The following MRPL30 variants were observed in gnomAD, a reference collection of about 807,000 sequenced individuals.
MRPL30 encodes large ribosomal subunit protein uL30m.
Under a neutral mutation model 17.2 loss-of-function variants are expected in MRPL30, and 10 were observed. That is an observed-to-expected ratio of 0.58 (90% CI 0.36 to 0.99). The LOEUF (loss-of-function observed/expected upper bound fraction) is 0.99, where lower values mean the gene tolerates loss of function less well. Among genes scored for constraint, MRPL30 ranks in the 50% least tolerant of loss-of-function variants. The pLI is 0.01. For synonymous variants in MRPL30, 61 were observed against 62.1 expected, an observed-to-expected ratio of 0.98 and a Z score of 0.08; for missense variants, 170 against 189.8, an observed-to-expected ratio of 0.90 and a Z score of 0.61.
chr2:99,183,942 C>T (rs921953606), intron 1 of MRPL30, among the ~76,000 whole-genome samples: 12 of 152,144 alleles, frequency 7.9e-5, no homozygotes, highest in Non-Finnish European at 1.5e-5. Context: ...TTTTTGATAT[C>T]ATTGACAGTT....
At chr2:99,193,642 G>C (rs1369424217) in intron 3 of MRPL30, among the ~76,000 whole-genome samples, 1 of 151,972 alleles carries the variant, frequency 6.6e-6, no homozygotes, top group Non-Finnish European at 1.5e-5. Context: ...TTGGTTTTTG[G>C]CTCAAGAATA....
chr2:99,182,868 C>G (rs1439601809), intron 1 of MRPL30, among the ~76,000 whole-genome samples: 4 of 152,188 alleles, frequency 2.6e-5, no homozygotes, highest in Non-Finnish European at 4.4e-5. Flanking sequence ...AACCCTTTTC[C>G]TATGGAATTA....
intron 3 of MRPL30, among the ~76,000 whole-genome samples, chr2:99,193,122 T>C (rs554512647): frequency 1.3e-5 from 2 of 152,032 alleles, no homozygotes; most frequent in South Asian, 4.2e-4. Flanking sequence ...AACTTAAATT[T>C]ACAAGAAAAA....
Position 99,199,388 on chromosome 2 carries a change from C to A in MRPL30, c.*3683C>A, listed in dbSNP as rs1240939732. On this transcript the variant is annotated 3_prime_UTR_variant, in exon 6 of 6. Coordinates refer to ENST00000338148, the MANE Select transcript of MRPL30 (RefSeq NM_145212.4). ...ACACTGGAAATTCTAAAATAAGAGTCAGATACAAAACACTGGTCACTAAAA... is the reference window on the plus strand; with the variant it reads ...ACACTGGAAATTCTAAAATAAGAGTAAGATACAAAACACTGGTCACTAAAA... Among the ~76,000 whole-genome samples, 4 of 152,114 alleles carry A rather than the reference C, an allele frequency of 2.6e-5. No homozygotes were observed. Among genetic ancestry groups the A allele is most frequent in the Non-Finnish European group, 2.9e-5 (2 of 68,018 alleles).
chr2:99,195,217 A>T (rs779504593), intron 5 of MRPL30, 28 bp downstream of exon 5: 1 of 1,559,324 alleles, frequency 6.4e-7, no homozygotes, highest in Non-Finnish European at 8.8e-7. Flanking sequence ...AGCTCTTTTT[A>T]AAATGTATTG....
chr2:99,195,321 TG>T (rs751053097), intron 5 of MRPL30, 132 bp downstream of exon 5: 5 of 887,374 alleles, frequency 5.6e-6, no homozygotes, highest in Non-Finnish European at 8.3e-6. Flanking sequence ...TTTTTTTAAT[TG>T]ACACATAATA....
In MRPL30 at chr2:99,198,492, C is replaced by T. The variant is rs2093958601; in HGVS notation, c.*2787C>T. Among the ~76,000 whole-genome samples the T allele has an allele frequency of 6.6e-6, 1 of 152,164 alleles. No homozygotes were observed. The highest frequency in any genetic ancestry group is 1.9e-4 in the East Asian group (1 of 5,198). ...TAATCAAATAAATGCAATCATGTGC[C>T]TCGTGTCACCTTTTTTGCATTCCAT... On this transcript the variant is annotated 3_prime_UTR_variant, in exon 6 of 6. Transcript: ENST00000338148.
At position 99,198,771 on chromosome 2, in the gene MRPL30, G is replaced by A. The variant is rs973612808; in HGVS notation, c.*3066G>A. Reference sequence around the variant, plus strand: ...CTCGGTCTTGACTTTGTGTCTTTGAGGATTGCTTTGTTTAGTGTCACCTGC... The same window carrying A: ...CTCGGTCTTGACTTTGTGTCTTTGAAGATTGCTTTGTTTAGTGTCACCTGC... On this transcript the variant is annotated 3_prime_UTR_variant, in exon 6 of 6. Coordinates refer to ENST00000338148, the MANE Select transcript of MRPL30 (RefSeq NM_145212.4). 1.3e-5 allele frequency among the ~76,000 whole-genome samples: 2 copies of A among 152,130 alleles called. No individual in the cohort carries two copies. Among genetic ancestry groups the A allele is most frequent in the Non-Finnish European group, 2.9e-5 (2 of 68,010 alleles).
In MRPL30 at chr2:99,196,042, CT is replaced by C; in HGVS notation, c.*338del. The C allele has an allele frequency of 3.7e-6, 1 of 268,742 alleles. No individual in the cohort carries two copies. The highest frequency in any genetic ancestry group is 7.1e-6 in the Non-Finnish European group (1 of 140,342). 16.6% of individuals were successfully genotyped at this position (268,742 alleles called of 1,614,324 possible). A position where few individuals can be genotyped will look rare whatever the true frequency, so the allele number is the denominator to read the frequency against. ...GTTGCAGTGAGCTGAGATGGTGCCA[CT>C]GTACTCCAGCCTGGGTGATAGGATG... On this transcript the variant is annotated 3_prime_UTR_variant, in exon 6 of 6. Transcript: ENST00000338148.
chr2:99,190,823 G>C (rs1249675806), intron 3 of MRPL30, among the ~76,000 whole-genome samples: 1 of 152,108 alleles, frequency 6.6e-6, no homozygotes. Flanking sequence ...TAGGTGATGG[G>C]TTGATAAGTG....
At chr2:99,183,372 C>A (rs544540457) in intron 1 of MRPL30, among the ~76,000 whole-genome samples, 2 of 152,266 alleles carry the variant, frequency 1.3e-5, no homozygotes, top group Non-Finnish European at 2.9e-5. Context: ...AGTTCAAGAG[C>A]AGCCTAGCCA....
At position 99,197,807 on chromosome 2, in the gene MRPL30, G is replaced by T. The variant is rs1172977286; in HGVS notation, c.*2102G>T. On this transcript the variant is annotated 3_prime_UTR_variant, in exon 6 of 6. Coordinates refer to ENST00000338148, the MANE Select transcript of MRPL30 (RefSeq NM_145212.4). The stretch of plus-strand genomic sequence containing the variant: ...AGATACATGCCACCGCTCCCGGCTA[G>T]TATTTTTTAAAATTTTTTGTAGAGC... 7.4e-6 allele frequency among the ~76,000 whole-genome samples: 1 copy of T among 134,240 alleles called. No individual in the cohort carries two copies. Among genetic ancestry groups the T allele is most frequent in the Non-Finnish European group, 1.6e-5 (1 of 61,436 alleles). 88.1% of individuals were successfully genotyped at this position (134,240 alleles called of 152,430 possible).
chr2:99,186,122 C>A, intron 1 of MRPL30, 55 bp from the exon 2 acceptor site: 1 of 1,223,332 alleles, frequency 8.2e-7, no homozygotes, highest in Non-Finnish European at 1.2e-6. Flanking sequence ...GAAGGGGAAA[C>A]CTGTTCATTT....
Position 99,194,971 on chromosome 2 carries a change from A to G in MRPL30, c.279+74A>G, listed in dbSNP as rs143947325. 2.1e-6 allele frequency: 3 copies of G among 1,396,388 alleles called. No homozygotes were observed. The African/African-American group carries it at 4.5e-5, about 21-fold the overall frequency. The allele number at this position is 1,396,388 out of a possible 1,614,324, so 86.5% of individuals were successfully genotyped here. A position where few individuals can be genotyped will look rare whatever the true frequency, so the allele number is the denominator to read the frequency against. On this transcript the variant is annotated intron_variant, in intron 4 of 5. Coordinates refer to ENST00000338148, the MANE Select transcript of MRPL30 (RefSeq NM_145212.4). ...TTTTATACTTTTAAAACTTTGCGGT[A>G]TACATTTATTATTTATTTTGTATTA... is the stretch of plus-strand genomic sequence containing the variant.
At position 99,198,936 on chromosome 2, in the gene MRPL30, TTTTC is replaced by T. The variant is rs2093959213; in HGVS notation, c.*3234_*3237del. Among the ~76,000 whole-genome samples, 1 of 152,056 alleles carries T rather than the reference TTTTC, an allele frequency of 6.6e-6. No individual in the cohort carries two copies. ...GTACCTCTTTCAGGCCAAACACCTA[TTTTC>T]TTCATTTTTTTTTTCTCATAAGAAT... On this transcript the variant is annotated 3_prime_UTR_variant, in exon 6 of 6. Transcript: ENST00000338148.
chr2:99,194,016 C>T (rs1472148138), intron 3 of MRPL30, among the ~76,000 whole-genome samples: 3 of 133,460 alleles, frequency 2.2e-5, no homozygotes, highest in Admixed American at 8.6e-5. Flanking sequence ...CCAGCCTGGG[C>T]GATAGAGCAA....
intron 1 of MRPL30, among the ~76,000 whole-genome samples, chr2:99,183,629 A>AT (rs1454592113): frequency 5.9e-5 from 9 of 152,092 alleles, no homozygotes; most frequent in Admixed American, 5.9e-4. Flanking sequence ...GGAGGTTTTA[A>AT]TTTTTTCATA....
At chr2:99,189,409 A>T (rs1574845246) in intron 3 of MRPL30, among the ~76,000 whole-genome samples, 1 of 152,306 alleles carries the variant, frequency 6.6e-6, no homozygotes, top group Non-Finnish European at 1.5e-5. Context: ...AGCCCTTTCA[A>T]ACTGGCTTCT....
intron 3 of MRPL30, among the ~76,000 whole-genome samples, chr2:99,191,314 C>T (rs1328841191): frequency 2.6e-5 from 4 of 152,082 alleles, no homozygotes; most frequent in East Asian, 1.9e-4. Context: ...CCCTGCCTAT[C>T]GTCTGAACTT....
Sources: gnomAD v4.1 joint callset for allele counts (sites outside exome capture counted in the v4.1 genomes callset) on GRCh38, gnomAD v4.1.1 for gene constraint, MANE v1.5 for transcripts, NCBI Gene and HGNC (gene_info 2026-07-23, HGNC 2026-07-21) for gene names.